Variants in INTS9 observed in about 807,000 individuals in gnomAD.
The protein encoded by INTS9 is protein related to CPSF subunits of 74 kDa.
INTS9 carries 55 observed loss-of-function variants against 79.7 expected under a neutral mutation model. The observed-to-expected ratio is 0.69, with a 90% CI of 0.56 to 0.86. The LOEUF (loss-of-function observed/expected upper bound fraction) is 0.86. INTS9 is among the 40% of genes least tolerant of loss of function. The pLI is 0.00. For synonymous variants in INTS9, 319 were observed against 325.2 expected, an observed-to-expected ratio of 0.98 and a Z score of 0.20; for missense variants, 721 against 831.5, an observed-to-expected ratio of 0.87 and a Z score of 1.64.
chr8:28,877,522 T>C (rs1033171815), intron 1 of INTS9, among the ~76,000 whole-genome samples: 16 of 152,174 alleles, frequency 1.1e-4, no homozygotes, highest in African/African-American at 3.6e-4. Flanking sequence ...AAAATGCATA[T>C]ACCCTTTGAA....
At position 28,880,422 on chromosome 8, in the gene INTS9, C is replaced by G. The variant is rs559294010; in HGVS notation, c.9+9452G>C. Among the ~76,000 whole-genome samples, 46 of 152,258 alleles carry G rather than the reference C, an allele frequency of 3.0e-4. 1 individual carries two copies. The East Asian group carries it at 7.1e-3, about 24-fold the overall frequency. ...TGCAGGCGCGTGCCGCCACGCCTGACTGGTTTTCGTTTTTTTTTGGTGGAG... is the reference window on the plus strand; with the variant it reads ...TGCAGGCGCGTGCCGCCACGCCTGAGTGGTTTTCGTTTTTTTTTGGTGGAG... On this transcript the variant is annotated intron_variant, in intron 1 of 16. Transcript: ENST00000521022.
At chr8:28,874,882 A>G (rs1013233529) in intron 1 of INTS9, among the ~76,000 whole-genome samples, 1 of 152,198 alleles carries the variant, frequency 6.6e-6, no homozygotes, top group Admixed American at 6.5e-5. Flanking sequence ...TGATAAAGAC[A>G]TACCTGAGAT....
At chr8:28,869,488 A>T (rs1297836464) in intron 1 of INTS9, among the ~76,000 whole-genome samples, 1 of 152,222 alleles carries the variant, frequency 6.6e-6, no homozygotes, top group Non-Finnish European at 1.5e-5. Flanking sequence ...AACAGGGCAT[A>T]TAAGGTTCCC....
chr8:28,871,414 T>TAA (rs1809087274), intron 1 of INTS9, among the ~76,000 whole-genome samples: 1 of 151,530 alleles, frequency 6.6e-6, no homozygotes, highest in South Asian at 2.1e-4. Context: ...AGGAGATAAC[T>TAA]TTTTTTTTGA....
At chr8:28,812,827 A>G (rs241155) in intron 7 of INTS9, among the ~76,000 whole-genome samples, 120,312 of 152,168 alleles carry the variant, frequency 0.79, 47,754 homozygotes, top group Non-Finnish European at 0.81. Context: ...CTCCAGCCTG[A>G]GTAACAAAGT....
chr8:28,775,699 C>A, intron 14 of INTS9, 60 bp downstream of exon 14: 2 of 1,563,480 alleles, frequency 1.3e-6, no homozygotes, highest in Non-Finnish European at 1.8e-6. Context: ...CACCCCTGCA[C>A]GATCTCCAAG....
intron 1 of INTS9, among the ~76,000 whole-genome samples, chr8:28,862,733 A>T (rs1013941431): frequency 3.3e-5 from 5 of 152,338 alleles, no homozygotes; most frequent in Non-Finnish European, 5.9e-5. Flanking sequence ...AACCATTTAG[A>T]ATCTGTACTG....
chr8:28,780,706 C>T (rs241196), intron 12 of INTS9, 117 bp downstream of exon 12: 900,519 of 1,499,040 alleles, frequency 0.6, 280,325 homozygotes, highest in Non-Finnish European at 0.65. Context: ...TACAGTAGAA[C>T]AATGTTTGTA....
intron 11 of INTS9, among the ~76,000 whole-genome samples, chr8:28,782,525 ATG>A (rs1000292560): frequency 2.6e-5 from 4 of 152,282 alleles, no homozygotes; most frequent in African/African-American, 9.6e-5. Flanking sequence ...GCATGTGGAC[ATG>A]TGTGCACACA....
intron 1 of INTS9, among the ~76,000 whole-genome samples, chr8:28,860,083 A>G (rs1808372210): frequency 6.6e-6 from 1 of 152,186 alleles, no homozygotes; most frequent in South Asian, 2.1e-4. Context: ...AGAAGAAATG[A>G]CTCAAAAGGA....
rs759455356 is a variant in INTS9 at position 28,770,029 on chromosome 8, A to AG, written c.1663-4dup. On this transcript the variant is annotated splice_polypyrimidine_tract_variant and splice_region_variant and intron_variant, in intron 15 of 16. Transcript: ENST00000521022. ...GGCTGGGCGGGCCGAGGAGGGGGCTAGAGCAGAAGGAAAGAGTGGCTTTCA... is the reference window on the plus strand; with the variant it reads ...GGCTGGGCGGGCCGAGGAGGGGGCTAGGAGCAGAAGGAAAGAGTGGCTTTCA... The AG allele has an allele frequency of 8.7e-5, 141 of 1,613,444 alleles. No individual in the cohort carries two copies. Among genetic ancestry groups the AG allele is most frequent in the Non-Finnish European group, 1.1e-4 (130 of 1,179,902 alleles).
At chr8:28,792,640 G>A (rs1370920403) in intron 10 of INTS9, among the ~76,000 whole-genome samples, 5 of 152,062 alleles carry the variant, frequency 3.3e-5, no homozygotes, top group South Asian at 4.1e-4. Context: ...AAGGGTGGGC[G>A]CAGTGGCTCA....
chr8:28,772,621 C>T (rs1414531852), intron 14 of INTS9, among the ~76,000 whole-genome samples: 5 of 151,942 alleles, frequency 3.3e-5, no homozygotes, highest in African/African-American at 1.2e-4. Context: ...TCCTGGCTAA[C>T]ACAGTGAAAC....
intron 2 of INTS9, among the ~76,000 whole-genome samples, chr8:28,857,790 G>A (rs1269937190): frequency 2.0e-5 from 3 of 152,136 alleles, no homozygotes; most frequent in Admixed American, 1.3e-4. Flanking sequence ...TACATGTAGT[G>A]GAGAAGAAAG....
chr8:28,870,833 G>A (rs542171224), intron 1 of INTS9, among the ~76,000 whole-genome samples: 42 of 152,306 alleles, frequency 2.8e-4, no homozygotes, highest in African/African-American at 1.0e-3. Context: ...GTTTCAGCAA[G>A]GAGGAGAGCA....
At chr8:28,777,680 G>A (rs535172743) in intron 13 of INTS9, 149 bp downstream of exon 13, 4 of 792,152 alleles carry the variant, frequency 5.0e-6, no homozygotes, top group Middle Eastern at 4.1e-4. Context: ...GTGGAGGGGG[G>A]CTGGCATGTG....
intron 11 of INTS9, among the ~76,000 whole-genome samples, chr8:28,784,279 G>A (rs1362426889): frequency 6.6e-6 from 1 of 152,188 alleles, no homozygotes; most frequent in Non-Finnish European, 1.5e-5. Context: ...GTGAGAATGT[G>A]ATCACACTCC....
chr8:28,875,389 A>T (rs949214241), intron 1 of INTS9, among the ~76,000 whole-genome samples: 19 of 152,236 alleles, frequency 1.2e-4, no homozygotes, highest in African/African-American at 4.1e-4. Context: ...GTAATAACAC[A>T]TAACACTCCT....
chr8:28,852,656 T>C (rs1371014086), intron 2 of INTS9, among the ~76,000 whole-genome samples: 1 of 152,128 alleles, frequency 6.6e-6, no homozygotes, highest in African/African-American at 2.4e-5. Flanking sequence ...CCCACACAAA[T>C]CAGATGACAG....
Sources: gnomAD v4.1 joint callset for allele counts (sites outside exome capture counted in the v4.1 genomes callset) on GRCh38, gnomAD v4.1.1 for gene constraint, MANE v1.5 for transcripts, NCBI Gene and HGNC (gene_info 2026-07-23, HGNC 2026-07-21) for gene names.